Variants in CHRM3 observed in about 807,000 individuals in gnomAD.
The protein encoded by CHRM3 is cholinergic receptor muscarinic 3.
Under a neutral mutation model 41.8 loss-of-function variants are expected in CHRM3, and 11 were observed. The observed-to-expected ratio is 0.26, with a 90% confidence interval of 0.17 to 0.44. The LOEUF (loss-of-function observed/expected upper bound fraction) is 0.44, where lower values mean the gene tolerates loss of function less well. Ranked by LOEUF, CHRM3 falls within the 20% of genes least tolerant of loss-of-function variation. The pLI is 1.00. For missense variants in CHRM3, 571 were observed against 745.4 expected, an observed-to-expected ratio of 0.77 and a Z score of 2.72; for synonymous variants, 297 against 301.4, an observed-to-expected ratio of 0.99 and a Z score of 0.15.
chr1:239,531,905 C>T (rs947512656), intron 2 of CHRM3, among the ~76,000 whole-genome samples: 2 of 150,686 alleles, frequency 1.3e-5, no homozygotes, highest in African/African-American at 2.4e-5. Flanking sequence ...GTGATCTCCG[C>T]GCTTGGGCCT....
rs1342860841 is a variant in CHRM3, at chr1:239,425,986, T to G, written c.-521+38759T>G. Among the ~76,000 whole-genome samples the G allele has an allele frequency of 2.0e-4, 31 of 152,092 alleles. 1 individual carries two copies. The highest frequency in any genetic ancestry group is 4.4e-5 in the Non-Finnish European group (3 of 68,000). ...TCTTTTTTTTCCAGTAAGGCTATTT[T>G]TTTATTTTTATTTTTTATTGTGCTT... On this transcript the variant is annotated intron_variant, in intron 1 of 6. Transcript: ENST00000676153.
At position 239,810,488 on chromosome 1, in the gene CHRM3, T is replaced by C. The variant is rs896466739; in HGVS notation, c.-146-16764T>C. Among the ~76,000 whole-genome samples, 2 of 152,080 alleles carry C rather than the reference T, an allele frequency of 1.3e-5. 1 individual carries two copies. Among genetic ancestry groups the C allele is most frequent in the East Asian group, 3.9e-4 (2 of 5,182 alleles). On this transcript the variant is annotated intron_variant, in intron 5 of 6. Coordinates refer to ENST00000676153, the MANE Select transcript of CHRM3 (RefSeq NM_001375978.1). ...CAAAGAAAATGCTTCTCAAGATCATTGAGGGGAACAAGCCTGGAGGACTGA... is the reference window on the plus strand; with the variant it reads ...CAAAGAAAATGCTTCTCAAGATCATCGAGGGGAACAAGCCTGGAGGACTGA...
intron 4 of CHRM3, among the ~76,000 whole-genome samples, chr1:239,640,635 G>T (rs1467692832): frequency 6.7e-6 from 1 of 149,768 alleles, no homozygotes; most frequent in Admixed American, 6.7e-5. Context: ...TTTTTATTGT[G>T]TCTATTTGAT....
chr1:239,870,088 T>A (rs1272847218), intron 6 of CHRM3, among the ~76,000 whole-genome samples: 1 of 152,180 alleles, frequency 6.6e-6, no homozygotes, highest in African/African-American at 2.4e-5. Context: ...TAAATAAGGT[T>A]AAGGCACATT....
rs1676608248 is a variant in CHRM3 at position 239,871,776 on chromosome 1, A to G, written c.-19-35657A>G. 2.0e-5 allele frequency among the ~76,000 whole-genome samples: 3 copies of G among 152,114 alleles called. No homozygotes were observed. The South Asian group carries it at 6.2e-4, about 32-fold the overall frequency. Reference sequence around the variant, plus strand: ...GGAGTGCTAATGATTACTGCCTTAGACCTGATAAAAATCTCTTAACCTGGG... The same window carrying G: ...GGAGTGCTAATGATTACTGCCTTAGGCCTGATAAAAATCTCTTAACCTGGG... On this transcript the variant is annotated intron_variant, in intron 6 of 6. Coordinates refer to ENST00000676153, the MANE Select transcript of CHRM3 (RefSeq NM_001375978.1).
At chr1:239,503,809 T>C (rs1782350) in intron 2 of CHRM3, among the ~76,000 whole-genome samples, 36,903 of 151,928 alleles carry the variant, frequency 0.24, 5,129 homozygotes, top group Middle Eastern at 0.39. Flanking sequence ...AAAACTTAAA[T>C]TGGGGGAAAG....
intron 1 of CHRM3, among the ~76,000 whole-genome samples, chr1:239,432,969 A>G (rs1250866910): frequency 3.3e-5 from 5 of 152,126 alleles, no homozygotes; most frequent in African/African-American, 9.7e-5. Flanking sequence ...ACACATTTCC[A>G]GTCTTGACTT....
Position 239,404,424 on chromosome 1 carries a change from A to AAG in CHRM3, c.-521+17199_-521+17200dup, listed in dbSNP as rs1660363580. ...AGAAAGAAAGAAAAAGAAAGAAAGAAAGAAAGAAAGAAAGAAAGAAAGAAA... is the reference window on the plus strand; with the variant it reads ...AGAAAGAAAGAAAAAGAAAGAAAGAAAGAGAAAGAAAGAAAGAAAGAAAGAAA... On this transcript the variant is annotated intron_variant, in intron 1 of 6. Transcript: ENST00000676153. Among the ~76,000 whole-genome samples, 60 of 104,856 alleles carry AAG rather than the reference A, an allele frequency of 5.7e-4. 2 individuals carry two copies. The highest frequency in any genetic ancestry group is 2.3e-3 in the African/African-American group (60 of 26,368). The allele number at this position is 104,856 out of a possible 152,430, so 68.8% of individuals were successfully genotyped here. A position where few individuals can be genotyped will look rare whatever the true frequency, so the allele number is the denominator to read the frequency against.
chr1:239,906,606 G>A (rs1679983361), intron 6 of CHRM3, among the ~76,000 whole-genome samples: 1 of 152,208 alleles, frequency 6.6e-6, no homozygotes, highest in South Asian at 2.1e-4. Flanking sequence ...GGCAACAAGT[G>A]TGTGAAAGCA....
intron 2 of CHRM3, 60 bp from the exon 3 acceptor site, chr1:239,545,581 T>G (rs564014959): frequency 6.6e-6 from 1 of 152,308 alleles, no homozygotes; most frequent in South Asian, 2.1e-4. Flanking sequence ...GACAATCTTA[T>G]GCAAATCATA....
chr1:239,783,409 G>A (rs1239108922), intron 5 of CHRM3, among the ~76,000 whole-genome samples: 1 of 152,100 alleles, frequency 6.6e-6, no homozygotes, highest in Admixed American at 6.5e-5. Context: ...GGACACAGCT[G>A]AAGATAGTAA....
At chr1:239,403,096 A>G (rs901633462) in intron 1 of CHRM3, among the ~76,000 whole-genome samples, 3 of 152,120 alleles carry the variant, frequency 2.0e-5, no homozygotes, top group African/African-American at 7.2e-5. Flanking sequence ...CATTTACCAT[A>G]CTTATCTGCC....
chr1:239,456,340 A>G (rs770018888), intron 1 of CHRM3, among the ~76,000 whole-genome samples: 1 of 152,148 alleles, frequency 6.6e-6, no homozygotes, highest in Non-Finnish European at 1.5e-5. Flanking sequence ...TATCTTTTAT[A>G]AGGAACTTTT....
intron 6 of CHRM3, among the ~76,000 whole-genome samples, chr1:239,849,975 A>C (rs1387849264): frequency 6.6e-6 from 1 of 152,124 alleles, no homozygotes; most frequent in Non-Finnish European, 1.5e-5. Flanking sequence ...ACATCCTTTT[A>C]ATTTAAATAT....
At chr1:239,721,140 C>G (rs1662934605) in intron 5 of CHRM3, among the ~76,000 whole-genome samples, 1 of 151,786 alleles carries the variant, frequency 6.6e-6, no homozygotes, top group South Asian at 2.1e-4. Context: ...TATAATGATT[C>G]CTAATTCTCA....
chr1:239,443,571 T>A (rs1299016671), intron 1 of CHRM3, among the ~76,000 whole-genome samples: 1 of 152,164 alleles, frequency 6.6e-6, no homozygotes, highest in African/African-American at 2.4e-5. Flanking sequence ...CTGTTTAAGG[T>A]GCCTGTGACA....
intron 6 of CHRM3, among the ~76,000 whole-genome samples, chr1:239,835,861 C>T (rs1211549462): frequency 2.6e-5 from 4 of 152,250 alleles, no homozygotes; most frequent in Non-Finnish European, 5.9e-5. Context: ...TAAATTACTG[C>T]ATTTCAGGTT....
chr1:239,734,472 T>G (rs1487399440), intron 5 of CHRM3, among the ~76,000 whole-genome samples: 2 of 152,092 alleles, frequency 1.3e-5, no homozygotes, highest in African/African-American at 4.8e-5. Flanking sequence ...TTTTACAGAA[T>G]GCTAGGGGCA....
intron 2 of CHRM3, among the ~76,000 whole-genome samples, chr1:239,514,872 AT>A (rs1244240156): frequency 9.9e-5 from 15 of 152,084 alleles, no homozygotes; most frequent in Admixed American, 9.8e-4. Flanking sequence ...GAGATACTTT[AT>A]TTGGAATGAT....
Sources: gnomAD v4.1 joint callset for allele counts (sites outside exome capture counted in the v4.1 genomes callset) on GRCh38, gnomAD v4.1.1 for gene constraint, MANE v1.5 for transcripts, NCBI Gene and HGNC (gene_info 2026-07-23, HGNC 2026-07-21) for gene names.